The following TMEM144 variants were observed in gnomAD, a reference collection of about 807,000 sequenced individuals.
TMEM144 encodes the protein transmembrane protein 144.
Under a neutral mutation model 43.6 loss-of-function variants are expected in TMEM144, and 39 were observed. That is an observed-to-expected ratio of 0.90 (90% CI 0.69 to 1.17). The LOEUF is 1.17. Ranked by LOEUF, TMEM144 falls within the 50% of genes most tolerant of loss-of-function variation. The probability of loss-of-function intolerance (pLI) is 0.00; values close to 1 mark genes in which losing one functional copy is unlikely to be tolerated. For synonymous variants in TMEM144, 154 were observed against 133.6 expected, an observed-to-expected ratio of 1.15 and a Z score of -1.06; for missense variants, 417 against 411.9, an observed-to-expected ratio of 1.01 and a Z score of -0.11.
At chr4:158,212,936 G>T (rs1158738147) in intron 3 of TMEM144, 160 bp downstream of exon 3, 1 of 663,328 alleles carries the variant, frequency 1.5e-6, no homozygotes, top group African/African-American at 1.8e-5. Context: ...ATACCAGTTT[G>T]TCTGAAAGTC....
intron 6 of TMEM144, among the ~76,000 whole-genome samples, chr4:158,231,968 A>G (rs1375584797): frequency 6.6e-6 from 1 of 152,252 alleles, no homozygotes; most frequent in Non-Finnish European, 1.5e-5. Flanking sequence ...ACTCTTCTGT[A>G]CCTAGCTACC....
chr4:158,212,992 G>C, intron 3 of TMEM144: 4 of 573,224 alleles, frequency 7.0e-6, no homozygotes, highest in Non-Finnish European at 1.2e-5. Flanking sequence ...AGTTAGGGAG[G>C]GTACAGTCAG....
chr4:158,252,807 C>CAAA (rs57460951), intron 12 of TMEM144, among the ~76,000 whole-genome samples: 66 of 67,284 alleles, frequency 9.8e-4, no homozygotes, highest in Non-Finnish European at 1.6e-3. Flanking sequence ...GACTCCGTCT[C>CAAA]AAAAAAAAAA....
intron 6 of TMEM144, among the ~76,000 whole-genome samples, chr4:158,225,263 T>A (rs1734707041): frequency 6.6e-6 from 1 of 152,192 alleles, no homozygotes; most frequent in South Asian, 2.1e-4. Context: ...CCCTATAGTC[T>A]GGGTTAAAAC....
At chr4:158,238,598 G>T (rs1332875217) in intron 9 of TMEM144, among the ~76,000 whole-genome samples, 2 of 152,008 alleles carry the variant, frequency 1.3e-5, no homozygotes, top group African/African-American at 2.4e-5. Context: ...TCTCACTAAA[G>T]AAAGAAAAAC....
chr4:158,230,618 T>C (rs1735030874), intron 6 of TMEM144, among the ~76,000 whole-genome samples: 1 of 151,698 alleles, frequency 6.6e-6, no homozygotes, highest in South Asian at 2.1e-4. Flanking sequence ...CAGAAATACA[T>C]ATTTACACAA....
In TMEM144 at chr4:158,219,399, T is replaced by G; in HGVS notation, c.413+9T>G. Reference sequence around the variant, plus strand: ...GGGCTATCAGTAGTAAGGTACACAGTCATTTCTAGTGATTTTGCTGTTCTT... The same window carrying G: ...GGGCTATCAGTAGTAAGGTACACAGGCATTTCTAGTGATTTTGCTGTTCTT... On this transcript the variant is annotated intron_variant, in intron 6 of 12. Coordinates refer to ENST00000296529, the MANE Select transcript of TMEM144 (RefSeq NM_018342.5). 6.2e-7 allele frequency: 1 copy of G among 1,610,664 alleles called. No individual in the cohort carries two copies. The highest frequency in any genetic ancestry group is 8.5e-7 in the Non-Finnish European group (1 of 1,177,322).
At chr4:158,238,979 A>T (rs1735493112) in intron 9 of TMEM144, among the ~76,000 whole-genome samples, 1 of 152,240 alleles carries the variant, frequency 6.6e-6, no homozygotes. Context: ...CATATGTAAT[A>T]TGTGCTCTGT....
chr4:158,226,234 G>A (rs1734761065), intron 6 of TMEM144, among the ~76,000 whole-genome samples: 2 of 152,102 alleles, frequency 1.3e-5, no homozygotes, highest in Non-Finnish European at 2.9e-5. Context: ...TTATATTAGT[G>A]TGTTATTAAT....
At chr4:158,214,125 C>T (rs1734102749) in intron 3 of TMEM144, 2 of 152,148 alleles carry the variant, frequency 1.3e-5, no homozygotes, top group South Asian at 2.1e-4. Flanking sequence ...CAACCTCCAC[C>T]TTTAGGGTTC....
intron 6 of TMEM144, among the ~76,000 whole-genome samples, chr4:158,226,193 AT>A (rs1271121205): frequency 6.6e-6 from 1 of 152,218 alleles, no homozygotes; most frequent in African/African-American, 2.4e-5. Flanking sequence ...TGAATGTATG[AT>A]TTTTATACCA....
intron 6 of TMEM144, among the ~76,000 whole-genome samples, chr4:158,227,123 T>C (rs1734812113): frequency 7.1e-6 from 1 of 140,082 alleles, no homozygotes; most frequent in African/African-American, 2.9e-5. Flanking sequence ...TTGGTATAGA[T>C]GGCTTTTTTT....
chr4:158,248,343 G>A (rs1735999042), intron 12 of TMEM144, among the ~76,000 whole-genome samples: 1 of 152,106 alleles, frequency 6.6e-6, no homozygotes, highest in African/African-American at 2.4e-5. Context: ...GAGATGGGAA[G>A]ATGGCTTGAA....
Position 158,253,611 on chromosome 4 carries a change from C to G in TMEM144, c.*84C>G. On this transcript the variant is annotated 3_prime_UTR_variant, in exon 13 of 13. Transcript: ENST00000296529. ...GAGAGATCATGCTGAGAAAAGAGTG[C>G]ATTTTCATATAGCAAATGGATCTCA... 8.9e-7 allele frequency: 1 copy of G among 1,129,876 alleles called. No homozygotes were observed. 70.0% of individuals were successfully genotyped at this position (1,129,876 alleles called of 1,614,324 possible).
At chr4:158,250,195 C>CATATATATATATATATATATATAT (rs5863314) in intron 12 of TMEM144, among the ~76,000 whole-genome samples, 2 of 135,536 alleles carry the variant, frequency 1.5e-5, no homozygotes, top group Non-Finnish European at 3.2e-5. Flanking sequence ...TAATACATAA[C>CATATATATATATATATATATATAT]ATATATATAT....
At chr4:158,244,371 C>T in intron 12 of TMEM144, 22 bp downstream of exon 12, 1 of 1,599,268 alleles carries the variant, frequency 6.3e-7, no homozygotes, top group Non-Finnish European at 8.5e-7. Context: ...AAAGGGCAGA[C>T]TTAGAAAATG....
rs780039284 is a variant in TMEM144 at position 158,235,467 on chromosome 4, C to T, written c.525C>T (p.Ser175=). Residue 175 remains serine, a synonymous_variant, in exon 8 of 13, where the codon TCC becomes TCT. Coordinates refer to ENST00000296529, the MANE Select transcript of TMEM144 (RefSeq NM_018342.5). The part of the protein sequence containing the change: ...HVINTTQDPC[S]WVDKLSTVHH... Reference sequence around the variant, plus strand: ...TCAACACAACCCAAGACCCCTGTTCCTGGGTGGATAAACTTTCTACAGTAC... The same window carrying T: ...TCAACACAACCCAAGACCCCTGTTCTTGGGTGGATAAACTTTCTACAGTAC... 1 of 1,613,986 alleles carries T rather than the reference C, an allele frequency of 6.2e-7. No individual in the cohort carries two copies. The highest frequency in any genetic ancestry group is 8.5e-7 in the Non-Finnish European group (1 of 1,179,910).
chr4:158,218,237 G>A (rs1324193560), intron 5 of TMEM144, among the ~76,000 whole-genome samples: 1 of 152,080 alleles, frequency 6.6e-6, no homozygotes, highest in Non-Finnish European at 1.5e-5. Context: ...TATGGGGAGA[G>A]GCTACTCTTT....
chr4:158,211,695 TC>T (rs1472935841), intron 2 of TMEM144, 121 bp downstream of exon 2: 3 of 152,224 alleles, frequency 2.0e-5, no homozygotes, highest in Non-Finnish European at 4.4e-5. Flanking sequence ...CTCAACCACA[TC>T]CCTATAGAGG....
Sources: gnomAD v4.1 joint callset for allele counts (sites outside exome capture counted in the v4.1 genomes callset) on GRCh38, gnomAD v4.1.1 for gene constraint, MANE v1.5 for transcripts, NCBI Gene and HGNC (gene_info 2026-07-23, HGNC 2026-07-21) for gene names.